The following HCK variants were observed in gnomAD, a reference collection of about 807,000 sequenced individuals.
HCK encodes tyrosine-protein kinase HCK.
Under a neutral mutation model 70.4 loss-of-function variants are expected in HCK, and 40 were observed. That is an observed-to-expected ratio of 0.57 (90% confidence interval 0.44 to 0.74). The LOEUF (loss-of-function observed/expected upper bound fraction) is 0.74. Ranked by LOEUF, HCK falls within the 30% of genes least tolerant of loss-of-function variation. The probability of loss-of-function intolerance (pLI) is 0.00; values close to 1 mark genes in which losing one functional copy is unlikely to be tolerated. For synonymous variants in HCK, 245 were observed against 263.2 expected, an observed-to-expected ratio of 0.93 and a Z score of 0.67; for missense variants, 568 against 697.2, an observed-to-expected ratio of 0.81 and a Z score of 2.09.
intron 9 of HCK, among the ~76,000 whole-genome samples, chr20:32,088,329 C>T (rs1411955021): frequency 6.6e-6 from 1 of 152,150 alleles, no homozygotes; most frequent in Non-Finnish European, 1.5e-5. Flanking sequence ...TGATCCCAGC[C>T]ATCCAGGCTC....
chr20:32,067,607 C>T (rs73906725), intron 1 of HCK, among the ~76,000 whole-genome samples: 2,323 of 141,296 alleles, frequency 0.016, 54 homozygotes, highest in African/African-American at 0.055. Flanking sequence ...AAGTATGGCA[C>T]GCCAGGCATG....
At chr20:32,071,517 G>T (rs1309939050) in intron 1 of HCK, 145 bp from the exon 2 acceptor site, 3 of 966,120 alleles carry the variant, frequency 3.1e-6, no homozygotes, top group East Asian at 2.4e-5. Context: ...GAGGATAAGG[G>T]TGCATGGAGC....
At chr20:32,062,111 T>C (rs1453302018) in intron 1 of HCK, among the ~76,000 whole-genome samples, 1 of 151,958 alleles carries the variant, frequency 6.6e-6, no homozygotes, top group Non-Finnish European at 1.5e-5. Flanking sequence ...GCCTAATTTT[T>C]GTATTTTTAG....
intron 4 of HCK, 125 bp downstream of exon 4, chr20:32,073,943 G>C: frequency 1.6e-6 from 1 of 625,232 alleles, no homozygotes; most frequent in Non-Finnish European, 2.9e-6. Context: ...TGTCTAATGA[G>C]AAGCTAATCA....
At chr20:32,077,672 A>G (rs1161835271) in intron 5 of HCK, among the ~76,000 whole-genome samples, 1 of 151,684 alleles carries the variant, frequency 6.6e-6, no homozygotes, top group African/African-American at 2.4e-5. Context: ...GATTACAGGC[A>G]TGCGCCACCA....
At chr20:32,091,793 G>GGGAC in intron 10 of HCK, among the ~76,000 whole-genome samples, 1 of 148,580 alleles carries the variant, frequency 6.7e-6, no homozygotes, top group South Asian at 2.1e-4. Context: ...GCCACATAGT[G>GGGAC]GGACCTCTTC....
intron 6 of HCK, among the ~76,000 whole-genome samples, chr20:32,081,887 C>T (rs1209618459): frequency 2.0e-5 from 3 of 152,226 alleles, no homozygotes; most frequent in Admixed American, 1.3e-4. Flanking sequence ...GAGCCTGGTC[C>T]AGCTTTCACA....
rs767598085 is a variant in HCK at position 32,099,077 on chromosome 20, C to T, written c.1320C>T (p.Val440=). ...GCTCCTTCACCATCAAGTCAGACGT[C>T]TGGTCCTTTGGTATCCTGCTGATGG... Residue 440 remains valine (V), a synonymous_variant, in exon 12 of 13, where the codon GTC becomes GTT. Transcript: ENST00000375852. 5 of 1,614,236 alleles carry T rather than the reference C, an allele frequency of 3.1e-6. No individual in the cohort carries two copies. The highest frequency in any genetic ancestry group is 4.2e-6 in the Non-Finnish European group (5 of 1,180,040).
chr20:32,063,531 G>T (rs1172611651), intron 1 of HCK, among the ~76,000 whole-genome samples: 2 of 152,068 alleles, frequency 1.3e-5, no homozygotes, highest in Non-Finnish European at 2.9e-5. Flanking sequence ...TTACAGGCAT[G>T]AGCCCCTGCA....
intron 10 of HCK, among the ~76,000 whole-genome samples, chr20:32,092,753 A>G (rs908838663): frequency 6.6e-6 from 1 of 151,910 alleles, no homozygotes; most frequent in Admixed American, 6.6e-5. Flanking sequence ...GTGCTGTTCC[A>G]TGAACACCCA....
Position 32,101,353 on chromosome 20 carries a change from G to A in HCK, c.1415G>A (p.Arg472His), listed in dbSNP as rs369369487. The A allele has an allele frequency of 1.8e-5, 29 of 1,614,074 alleles. No individual in the cohort carries two copies. The African/African-American group carries it at 2.0e-4, about 11-fold the overall frequency. Reference sequence around the variant, plus strand: ...CCTGAAGTGATCCGAGCTCTGGAGCGTGGATACCGGATGCCTCGCCCAGAG... The same window carrying A: ...CCTGAAGTGATCCGAGCTCTGGAGCATGGATACCGGATGCCTCGCCCAGAG... Residue 472 changes from arginine to histidine, a missense_variant, in exon 13 of 13, where the codon CGT becomes CAT. By Grantham distance (29) the Arg-to-His change is conservative. Transcript: ENST00000375852.
At chr20:32,074,791 G>GTC in intron 5 of HCK, 70 bp downstream of exon 5, 2 of 1,036,802 alleles carry the variant, frequency 1.9e-6, no homozygotes, top group South Asian at 2.6e-5. Context: ...AACTCAGGAC[G>GTC]TCTGCACACA....
At chr20:32,052,620 G>A (rs937382708) in intron 1 of HCK, 134 bp downstream of exon 1, 8 of 601,086 alleles carry the variant, frequency 1.3e-5, no homozygotes, top group Admixed American at 4.4e-5. Flanking sequence ...AACGTCGGGG[G>A]AGCCGCGGGT....
At chr20:32,079,939 C>G in intron 6 of HCK, 62 bp downstream of exon 6, 1 of 1,220,138 alleles carries the variant, frequency 8.2e-7, no homozygotes, top group South Asian at 1.2e-5. Flanking sequence ...GGCTGGCCAC[C>G]ACCCTTTCCT....
chr20:32,053,272 C>T (rs1449287120), intron 1 of HCK, among the ~76,000 whole-genome samples: 1 of 151,990 alleles, frequency 6.6e-6, no homozygotes, highest in Non-Finnish European at 1.5e-5. Flanking sequence ...CCTTTCTTTG[C>T]CTCTGTTTTC....
chr20:32,085,765 C>A (rs1183861417), intron 8 of HCK, among the ~76,000 whole-genome samples: 1 of 152,168 alleles, frequency 6.6e-6, no homozygotes, highest in Non-Finnish European at 1.5e-5. Flanking sequence ...CAGCATGTGC[C>A]AAATCCCTGT....
intron 4 of HCK, 22 bp downstream of exon 4, chr20:32,073,840 C>G: frequency 1.4e-6 from 2 of 1,418,338 alleles, no homozygotes; most frequent in Non-Finnish European, 2.0e-6. Context: ...TCCCACTCCC[C>G]CTAAGACAGA....
At chr20:32,052,882 G>C (rs1350242869) in intron 1 of HCK, among the ~76,000 whole-genome samples, 1 of 152,066 alleles carries the variant, frequency 6.6e-6, no homozygotes, top group Admixed American at 6.5e-5. Context: ...ACGGTTCCCG[G>C]TGGGGGCCGG....
intron 11 of HCK, 31 bp downstream of exon 11, chr20:32,094,047 G>T (rs2045901212): frequency 6.3e-7 from 1 of 1,597,828 alleles, no homozygotes; most frequent in Non-Finnish European, 8.5e-7. Flanking sequence ...GCCCCACGTT[G>T]CCCATTTGGA....
Sources: allele counts gnomAD v4.1 joint callset (sites outside exome capture counted in the v4.1 genomes callset), GRCh38; gene constraint gnomAD v4.1.1; transcripts MANE v1.5; gene names NCBI Gene and HGNC (gene_info 2026-07-23, HGNC 2026-07-21).